Variants in WARS2 observed in about 807,000 individuals in gnomAD.
The protein encoded by WARS2 is tryptophan--tRNA ligase, mitochondrial.
WARS2 carries 28 observed loss-of-function variants against 36.5 expected under a neutral mutation model. The ratio of observed to expected loss-of-function variants is 0.77; its 90% CI spans 0.57 to 1.05. The LOEUF (loss-of-function observed/expected upper bound fraction) is 1.05, where lower values mean the gene tolerates loss of function less well. WARS2 is among the 50% of genes least tolerant of loss of function. The pLI is 0.00. For missense variants in WARS2, 435 were observed against 456.8 expected, an observed-to-expected ratio of 0.95 and a Z score of 0.44; for synonymous variants, 174 against 178.4, an observed-to-expected ratio of 0.98 and a Z score of 0.20.
intron 1 of WARS2, among the ~76,000 whole-genome samples, chr1:119,105,213 G>A (rs1654150990): frequency 6.6e-6 from 1 of 152,152 alleles, no homozygotes; most frequent in Non-Finnish European, 1.5e-5. Context: ...TACCAAGGAT[G>A]AATACTAAGG....
intron 1 of WARS2, among the ~76,000 whole-genome samples, chr1:119,097,268 A>G (rs192509083): frequency 9.9e-5 from 15 of 152,174 alleles, no homozygotes; most frequent in African/African-American, 3.1e-4. Flanking sequence ...TAGCCCAATT[A>G]CCGATCAGAT....
chr1:119,083,282 T>A (rs942025712), intron 1 of WARS2, among the ~76,000 whole-genome samples: 1 of 152,100 alleles, frequency 6.6e-6, no homozygotes, highest in Non-Finnish European at 1.5e-5. Flanking sequence ...CACTGTTTTG[T>A]CCTTCCACCC....
intron 1 of WARS2, among the ~76,000 whole-genome samples, chr1:119,109,744 T>C (rs150058732): frequency 3.3e-5 from 5 of 152,062 alleles, no homozygotes; most frequent in East Asian, 1.9e-4. Context: ...TTTTTGCTAC[T>C]GTTTTCTACT....
intron 1 of WARS2, among the ~76,000 whole-genome samples, chr1:119,079,930 T>C (rs587646309): frequency 3.3e-5 from 5 of 152,192 alleles, no homozygotes; most frequent in African/African-American, 1.2e-4. Context: ...CAAATCATAA[T>C]CTAGAAACAA....
intron 1 of WARS2, among the ~76,000 whole-genome samples, chr1:119,133,918 A>G (rs1442529089): frequency 1.3e-5 from 2 of 152,188 alleles, no homozygotes; most frequent in Admixed American, 1.3e-4. Flanking sequence ...GGAACTTTGT[A>G]TATTGTATTC....
chr1:119,057,343 A>G (rs1649908764), intron 2 of WARS2, among the ~76,000 whole-genome samples: 1 of 151,020 alleles, frequency 6.6e-6, no homozygotes, highest in South Asian at 2.1e-4. Flanking sequence ...ACAGGGTTTC[A>G]CCACATTGGC....
chr1:119,041,629 A>G (rs1648374792), intron 4 of WARS2, among the ~76,000 whole-genome samples: 1 of 152,232 alleles, frequency 6.6e-6, no homozygotes. Context: ...CAGGTGCTCA[A>G]TAGCCACACA....
At chr1:119,073,136 A>G (rs1651454755) in intron 2 of WARS2, among the ~76,000 whole-genome samples, 1 of 151,936 alleles carries the variant, frequency 6.6e-6, no homozygotes, top group South Asian at 2.1e-4. Context: ...CAACAGAGCA[A>G]GACCATATCT....
chr1:119,089,962 C>CTGAG (rs1238325544), intron 1 of WARS2, among the ~76,000 whole-genome samples: 1 of 152,062 alleles, frequency 6.6e-6, no homozygotes, highest in Non-Finnish European at 1.5e-5. Context: ...ACACCACACA[C>CTGAG]TGAGGCCTGT....
chr1:119,129,339 A>G (rs943137638), intron 1 of WARS2, among the ~76,000 whole-genome samples: 2 of 152,152 alleles, frequency 1.3e-5, no homozygotes, highest in African/African-American at 2.4e-5. Flanking sequence ...TGTTTATGAT[A>G]CCCAGTCTAT....
At chr1:119,100,450 A>G (rs1178741506) in intron 1 of WARS2, among the ~76,000 whole-genome samples, 1 of 152,204 alleles carries the variant, frequency 6.6e-6, no homozygotes, top group East Asian at 1.9e-4. Context: ...GTATCTGCCC[A>G]AAGAAAAAGA....
chr1:119,132,516 TG>T (rs769903942), intron 1 of WARS2, among the ~76,000 whole-genome samples: 8 of 152,162 alleles, frequency 5.3e-5, no homozygotes, highest in Non-Finnish European at 1.2e-4. Context: ...ATTTATGAAC[TG>T]GCTGCTCAGA....
intron 2 of WARS2, among the ~76,000 whole-genome samples, chr1:119,053,323 G>A (rs1432648270): frequency 6.6e-6 from 1 of 152,178 alleles, no homozygotes; most frequent in African/African-American, 2.4e-5. Context: ...TAGAGACTAC[G>A]TGCTGCCTGC....
intron 1 of WARS2, among the ~76,000 whole-genome samples, chr1:119,135,629 C>A (rs190638851): frequency 2.0e-4 from 30 of 152,182 alleles, no homozygotes; most frequent in Admixed American, 1.4e-3. Context: ...AAAACACATA[C>A]CATGAGACTT....
chr1:119,134,597 G>C (rs1296102829), intron 1 of WARS2, among the ~76,000 whole-genome samples: 1 of 152,124 alleles, frequency 6.6e-6, no homozygotes, highest in Non-Finnish European at 1.5e-5. Context: ...TGAAGCCTCT[G>C]AACTGGAGAA....
intron 1 of WARS2, among the ~76,000 whole-genome samples, chr1:119,118,383 G>A (rs933996536): frequency 6.6e-6 from 1 of 151,784 alleles, no homozygotes; most frequent in Non-Finnish European, 1.5e-5. Context: ...CAAAGACAAA[G>A]AAAAAAGAAT....
chr1:119,092,062 A>T (rs945788771), intron 1 of WARS2, among the ~76,000 whole-genome samples: 1 of 152,242 alleles, frequency 6.6e-6, no homozygotes, highest in Admixed American at 6.5e-5. Flanking sequence ...AGAGCAACAC[A>T]GGGGTATATT....
chr1:119,044,182 A>G (rs1401083809), intron 3 of WARS2, among the ~76,000 whole-genome samples: 1 of 152,250 alleles, frequency 6.6e-6, no homozygotes, highest in African/African-American at 2.4e-5. Flanking sequence ...AGAAGACAGT[A>G]ACATATCTGA....
At chr1:119,049,200 C>T (rs951264188) in intron 2 of WARS2, among the ~76,000 whole-genome samples, 1 of 152,222 alleles carries the variant, frequency 6.6e-6, no homozygotes, top group African/African-American at 2.4e-5. Flanking sequence ...AGCACACCAG[C>T]GGGCCACTGA....
Sources: gnomAD v4.1 joint callset for allele counts (sites outside exome capture counted in the v4.1 genomes callset) on GRCh38, gnomAD v4.1.1 for gene constraint, MANE v1.5 for transcripts, NCBI Gene and HGNC (gene_info 2026-07-23, HGNC 2026-07-21) for gene names.